Variants in CDH18 observed in about 807,000 individuals in gnomAD.
CDH18 encodes the protein cadherin-18.
Under a neutral mutation model 67.9 loss-of-function variants are expected in CDH18, and 31 were observed. The observed-to-expected ratio is 0.46, with a 90% CI of 0.34 to 0.62. The LOEUF is 0.62. Ranked by LOEUF, CDH18 falls within the 20% of genes least tolerant of loss-of-function variation. The pLI is 0.01. For synonymous variants in CDH18, 362 were observed against 347.2 expected (o/e 1.04, Z -0.48); for missense variants, 890 against 975.5 (o/e 0.91, Z 1.17).
intron 3 of CDH18, among the ~76,000 whole-genome samples, chr5:19,827,797 C>T (rs1780559530): frequency 6.6e-6 from 1 of 151,822 alleles, no homozygotes; most frequent in African/African-American, 2.4e-5. Flanking sequence ...AGAAAGATAT[C>T]AAATCAAGAC....
At chr5:19,538,229 C>A (rs1358026448) in intron 9 of CDH18, among the ~76,000 whole-genome samples, 1 of 152,148 alleles carries the variant, frequency 6.6e-6, no homozygotes, top group Non-Finnish European at 1.5e-5. Context: ...ATGATCTCAG[C>A]CTTTTGAGAC....
At chr5:20,556,796 A>C (rs1757931485) in intron 1 of CDH18, among the ~76,000 whole-genome samples, 1 of 152,178 alleles carries the variant, frequency 6.6e-6, no homozygotes, top group Admixed American at 6.6e-5. Context: ...AAGGATTAAT[A>C]TCAATTTGTG....
At chr5:19,653,571 T>A (rs903740312) in intron 5 of CDH18, among the ~76,000 whole-genome samples, 2 of 152,306 alleles carry the variant, frequency 1.3e-5, no homozygotes, top group South Asian at 4.1e-4. Flanking sequence ...TTAGAACTTC[T>A]TGATCATCTT....
At chr5:20,125,463 G>C (rs1214577089) in intron 2 of CDH18, among the ~76,000 whole-genome samples, 2 of 152,074 alleles carry the variant, frequency 1.3e-5, no homozygotes, top group African/African-American at 4.8e-5. Context: ...ATATATGCTT[G>C]AGTGGGTTTA....
chr5:19,682,873 C>T (rs1041566784), intron 5 of CDH18, among the ~76,000 whole-genome samples: 2 of 151,986 alleles, frequency 1.3e-5, no homozygotes, highest in Non-Finnish European at 2.9e-5. Context: ...ATGAAAGGAT[C>T]GTAATTATAT....
At position 20,269,995 on chromosome 5, in the gene CDH18, C is replaced by A. The variant is rs1028144385; in HGVS notation, c.-579-14490G>T. 2.0e-5 allele frequency among the ~76,000 whole-genome samples: 3 copies of A among 152,088 alleles called. 1 individual carries two copies. Among genetic ancestry groups the A allele is most frequent in the South Asian group, 4.2e-4 (2 of 4,818 alleles). On this transcript the variant is annotated intron_variant, in intron 1 of 14. Transcript: ENST00000507958. ...CTATGAAGCAAGCCTGCCAAAAAAA[C>A]ATGAACCTGAACTGGATCATGAGGA...
intron 1 of CDH18, among the ~76,000 whole-genome samples, chr5:20,454,234 C>T (rs1750678126): frequency 6.6e-6 from 1 of 152,040 alleles, no homozygotes; most frequent in African/African-American, 2.4e-5. Context: ...GCTTCCTTAT[C>T]AATAGATTCA....
intron 1 of CDH18, among the ~76,000 whole-genome samples, chr5:20,540,361 C>A (rs1697988014): frequency 6.6e-6 from 1 of 152,086 alleles, no homozygotes; most frequent in Non-Finnish European, 1.5e-5. Flanking sequence ...ACTTGGAAAT[C>A]ATAACCATAT....
intron 6 of CDH18, among the ~76,000 whole-genome samples, chr5:19,595,768 T>C (rs1746071946): frequency 6.6e-6 from 1 of 152,246 alleles, no homozygotes; most frequent in Non-Finnish European, 1.5e-5. Flanking sequence ...CTCAGCTCTC[T>C]TTCATAAGCA....
At chr5:19,741,164 T>C (rs1769077520) in intron 4 of CDH18, among the ~76,000 whole-genome samples, 1 of 128,038 alleles carries the variant, frequency 7.8e-6, no homozygotes, top group Non-Finnish European at 1.7e-5. Flanking sequence ...ATGTCATCTA[T>C]GTATATATGT....
At chr5:19,506,146 C>T (rs1473796025) in intron 10 of CDH18, among the ~76,000 whole-genome samples, 1 of 152,088 alleles carries the variant, frequency 6.6e-6, no homozygotes, top group African/African-American at 2.4e-5. Flanking sequence ...CATGAGTGAA[C>T]TCCCATTCAC....
intron 5 of CDH18, among the ~76,000 whole-genome samples, chr5:19,661,499 A>C (rs1757169814): frequency 6.6e-6 from 1 of 151,912 alleles, no homozygotes; most frequent in Non-Finnish European, 1.5e-5. Context: ...TTTTTCACAT[A>C]TTGCCTTTTA....
intron 2 of CDH18, among the ~76,000 whole-genome samples, chr5:20,006,272 G>T (rs1256993878): frequency 6.6e-6 from 1 of 151,792 alleles, no homozygotes; most frequent in Non-Finnish European, 1.5e-5. Flanking sequence ...GATCATTTAT[G>T]TGTGTTAAAT....
intron 1 of CDH18, among the ~76,000 whole-genome samples, chr5:20,471,945 G>GAAT (rs1752119192): frequency 0.015 from 2 of 136 alleles, no homozygotes; most frequent in Non-Finnish European, 0.026. Flanking sequence ...AATACTCCTG[G>GAAT]GTGTCTGTCT....
At chr5:19,755,542 TTA>T (rs369677533) in intron 3 of CDH18, among the ~76,000 whole-genome samples, 1 of 133,586 alleles carries the variant, frequency 7.5e-6, no homozygotes, top group Non-Finnish European at 1.6e-5. Context: ...GTTTTATATT[TTA>T]TATATATATT....
At position 20,430,123 on chromosome 5, in the gene CDH18, G is replaced by A. The variant is rs192424488; in HGVS notation, c.-580+145339C>T. ...TTTACCTGCTTTAGTAAAGAGTGTTGTACAGAATACATTCACTACATTGGT... is the reference window on the plus strand; with the variant it reads ...TTTACCTGCTTTAGTAAAGAGTGTTATACAGAATACATTCACTACATTGGT... On this transcript the variant is annotated intron_variant, in intron 1 of 14. Transcript: ENST00000507958. Among the ~76,000 whole-genome samples the A allele has an allele frequency of 5.7e-3, 874 of 152,236 alleles. 3 individuals carry two copies. Among genetic ancestry groups the A allele is most frequent in the Non-Finnish European group, 9.8e-3 (666 of 68,000 alleles).
chr5:20,020,118 G>A (rs572319662), intron 2 of CDH18, among the ~76,000 whole-genome samples: 73 of 152,268 alleles, frequency 4.8e-4, no homozygotes, highest in Admixed American at 1.3e-3. Flanking sequence ...GGTATCTGGT[G>A]GAAGAAATTT....
chr5:19,994,829 A>AAT (rs1554078421), intron 2 of CDH18, among the ~76,000 whole-genome samples: 2,226 of 20,966 alleles, frequency 0.11, 148 homozygotes, highest in Non-Finnish European at 0.13. Flanking sequence ...ATATAAAGAG[A>AAT]ATATATATAT....
chr5:20,269,705 T>C (rs900342906), intron 1 of CDH18, among the ~76,000 whole-genome samples: 1 of 152,152 alleles, frequency 6.6e-6, no homozygotes, highest in African/African-American at 2.4e-5. Flanking sequence ...ATTATAGATA[T>C]TGTAGACTTA....
Sources: allele counts gnomAD v4.1 joint callset (sites outside exome capture counted in the v4.1 genomes callset), GRCh38; gene constraint gnomAD v4.1.1; transcripts MANE v1.5; gene names NCBI Gene and HGNC (gene_info 2026-07-23, HGNC 2026-07-21).